SAMD12: variants seen among roughly 807,000 people sequenced by gnomAD.
The protein encoded by SAMD12 is sterile alpha motif domain containing 12.
Under a neutral mutation model 15.0 loss-of-function variants are expected in SAMD12, and 9 were observed. That is an observed-to-expected ratio of 0.60 (90% confidence interval 0.36 to 1.05). The LOEUF is 1.05. SAMD12 is among the 50% of genes least tolerant of loss of function. The pLI is 0.01. For missense variants in SAMD12, 230 were observed against 234.2 expected (o/e 0.98, Z 0.12); for synonymous variants, 86 against 90.1 (o/e 0.96, Z 0.25).
chr8:118,573,069 G>T (rs1827061776), intron 2 of SAMD12, among the ~76,000 whole-genome samples: 1 of 152,124 alleles, frequency 6.6e-6, no homozygotes, highest in Non-Finnish European at 1.5e-5. Flanking sequence ...AAGCAGAAAT[G>T]TCAGTCAATT....
chr8:118,606,134 A>G (rs1008168343), intron 1 of SAMD12, among the ~76,000 whole-genome samples: 2 of 152,162 alleles, frequency 1.3e-5, no homozygotes, highest in Non-Finnish European at 2.9e-5. Flanking sequence ...TGAGTCACGC[A>G]TTAGGTACCT....
intron 3 of SAMD12, among the ~76,000 whole-genome samples, chr8:118,394,552 C>A (rs1374298888): frequency 6.6e-6 from 1 of 152,124 alleles, no homozygotes; most frequent in Non-Finnish European, 1.5e-5. Context: ...TGAGAGAAAA[C>A]CACATTAGAG....
At chr8:118,451,860 T>G (rs571775563) in intron 2 of SAMD12, among the ~76,000 whole-genome samples, 1 of 152,256 alleles carries the variant, frequency 6.6e-6, no homozygotes, top group Non-Finnish European at 1.5e-5. Flanking sequence ...TTAAAACAAT[T>G]TATCTATCTG....
At chr8:118,524,982 C>T (rs1825493817) in intron 2 of SAMD12, among the ~76,000 whole-genome samples, 1 of 152,104 alleles carries the variant, frequency 6.6e-6, no homozygotes, top group South Asian at 2.1e-4. Context: ...TAAATCAAAT[C>T]GTATCAAAAC....
intron 3 of SAMD12, among the ~76,000 whole-genome samples, chr8:118,388,383 T>C (rs973807602): frequency 6.6e-6 from 1 of 152,198 alleles, no homozygotes; most frequent in African/African-American, 2.4e-5. Flanking sequence ...CTACACTACA[T>C]CTCTGATTAT....
intron 2 of SAMD12, among the ~76,000 whole-genome samples, chr8:118,460,065 T>C (rs1044552851): frequency 1.3e-5 from 2 of 152,194 alleles, no homozygotes; most frequent in Admixed American, 1.3e-4. Context: ...ACATTTCTAT[T>C]AAAAAGCTTC....
chr8:118,427,912 T>C (rs1486221552), intron 3 of SAMD12, among the ~76,000 whole-genome samples: 2 of 152,224 alleles, frequency 1.3e-5, no homozygotes, highest in Admixed American at 1.3e-4. Context: ...AAGAGATTCA[T>C]GTGTGCCACG....
At chr8:118,436,777 G>T (rs570973722) in intron 3 of SAMD12, among the ~76,000 whole-genome samples, 36 of 152,264 alleles carry the variant, frequency 2.4e-4, no homozygotes, top group African/African-American at 8.7e-4. Flanking sequence ...TCAACATTAT[G>T]TGTATTGTTT....
chr8:118,172,186 A>G, the SAMD12 span, among the ~76,000 whole-genome samples: 1 of 152,200 alleles, frequency 6.6e-6, no homozygotes, highest in Admixed American at 6.5e-5. Flanking sequence ...GCACACCAAC[A>G]TGGCACATGT....
At chr8:118,344,541 T>C (rs1817536536) in intron 4 of SAMD12, among the ~76,000 whole-genome samples, 1 of 152,222 alleles carries the variant, frequency 6.6e-6, no homozygotes, top group Non-Finnish European at 1.5e-5. Context: ...ACTGGGTTTG[T>C]TCCTGAGCTC....
the SAMD12 span, among the ~76,000 whole-genome samples, chr8:118,159,436 C>T: frequency 2.2e-4 from 34 of 152,292 alleles, no homozygotes; most frequent in African/African-American, 7.9e-4. Context: ...GTCTGGTTTG[C>T]CCTTGGCAAA....
At chr8:118,469,116 GA>G (rs1208207065) in intron 2 of SAMD12, among the ~76,000 whole-genome samples, 1 of 152,218 alleles carries the variant, frequency 6.6e-6, no homozygotes, top group African/African-American at 2.4e-5. Flanking sequence ...ACAGCAGCCA[GA>G]AGTCCCCTTG....
chr8:118,569,118 T>C (rs1373954699), intron 2 of SAMD12, among the ~76,000 whole-genome samples: 1 of 152,196 alleles, frequency 6.6e-6, no homozygotes, highest in African/African-American at 2.4e-5. Context: ...TTGGTGCAGG[T>C]TGAACAACCT....
intron 4 of SAMD12, among the ~76,000 whole-genome samples, chr8:118,269,218 CTCTGTGTGTGTGTGTGTGTGTG>C (rs1413964946): frequency 3.5e-5 from 4 of 115,696 alleles, no homozygotes; most frequent in Non-Finnish European, 6.9e-5. Context: ...CTCTCTCTCT[CTCTGTGTGTGTGTGTGTGTGTG>C]TGTGTGTGTG....
intron 2 of SAMD12, among the ~76,000 whole-genome samples, chr8:118,482,468 T>A (rs540650972): frequency 1.2e-4 from 18 of 152,210 alleles, no homozygotes; most frequent in South Asian, 4.1e-4. Context: ...AAATATATAT[T>A]TTTTTTAAAT....
rs7833640 is a variant in SAMD12 at position 118,584,195 on chromosome 8, A to T, written c.14-3302T>A. Reference sequence around the variant, plus strand: ...ATAGCTGTTCCTTCCTCCACTGCAAACTCCCCAGTAGTTGATTTAGGTTTT... The same window carrying T: ...ATAGCTGTTCCTTCCTCCACTGCAATCTCCCCAGTAGTTGATTTAGGTTTT... On this transcript the variant is annotated intron_variant, in intron 1 of 3. Coordinates refer to ENST00000314727, the MANE Select transcript of SAMD12 (RefSeq NM_207506.3). Among the ~76,000 whole-genome samples, 640 of 152,080 alleles carry T rather than the reference A, an allele frequency of 4.2e-3. 6 individuals carry two copies. Among genetic ancestry groups the T allele is most frequent in the African/African-American group, 0.015 (607 of 41,458 alleles).
downstream of SAMD12, among the ~76,000 whole-genome samples, chr8:118,186,986 C>A (rs1439279757): frequency 6.6e-6 from 1 of 152,214 alleles, no homozygotes; most frequent in Non-Finnish European, 1.5e-5. Flanking sequence ...AAAGTAAAAT[C>A]TTGCAATGCT....
chr8:118,550,259 T>A, intron 2 of SAMD12, among the ~76,000 whole-genome samples: 1 of 151,874 alleles, frequency 6.6e-6, no homozygotes, highest in African/African-American at 2.4e-5. Flanking sequence ...AAGGAAAAAA[T>A]GTTAAGGGCA....
chr8:118,274,256 TCAAATTCTTATTTGAC>T (rs566309004), intron 4 of SAMD12, among the ~76,000 whole-genome samples: 110 of 152,112 alleles, frequency 7.2e-4, no homozygotes, highest in African/African-American at 2.5e-3. Flanking sequence ...GAGAATTTGG[TCAAATTCTTATTTGAC>T]CAAATAAGCA....
Sources: allele counts gnomAD v4.1 joint callset (sites outside exome capture counted in the v4.1 genomes callset), GRCh38; gene constraint gnomAD v4.1.1; transcripts MANE v1.5; gene names NCBI Gene and HGNC (gene_info 2026-07-23, HGNC 2026-07-21).